NPM3: variants seen among roughly 807,000 people sequenced by gnomAD.
The protein encoded by NPM3 is nucleophosmin/nucleoplasmin 3, also known as nucleoplasmin-3.
A neutral mutation model predicts 18.1 loss-of-function variants in NPM3; 12 were observed. That is an observed-to-expected ratio of 0.66 (90% CI 0.42 to 1.07). The LOEUF (loss-of-function observed/expected upper bound fraction) is 1.07, where lower values mean the gene tolerates loss of function less well. Among genes scored for constraint, NPM3 ranks in the 50% least tolerant of loss-of-function variants. NPM3 has a pLI of 0.00. For synonymous variants in NPM3, 116 were observed against 93.7 expected (o/e 1.24, Z -1.38); for missense variants, 274 against 232.1 (o/e 1.18, Z -1.17).
Position 101,782,461 on chromosome 10 carries a change from A to T in NPM3, c.324+17T>A. 2 of 1,607,370 alleles carry T rather than the reference A, an allele frequency of 1.2e-6. No individual in the cohort carries two copies. The highest frequency in any genetic ancestry group is 1.7e-6 in the Non-Finnish European group (2 of 1,176,374). ...CCACCACCACCACCACCACCAAGGC[A>T]GAGCTGGGGAACTCACCATGGGTTG... On this transcript the variant is annotated intron_variant, in intron 3 of 5. Coordinates refer to ENST00000370110, the Ensembl canonical transcript of NPM3.
At chr10:101,783,190 C>A in intron 1 of NPM3, 83 bp downstream of exon 1, 1 of 1,097,596 alleles carries the variant, frequency 9.1e-7, no homozygotes, top group Non-Finnish European at 1.3e-6. Context: ...CACACCCACG[C>A]CTTGAAACCC....
chr10:101,781,520 T>TTC, exon 6 of NPM3: 12 of 311,808 alleles, frequency 3.8e-5, no homozygotes, highest in Middle Eastern at 1.2e-3. Context: ...AAGACCCAAG[T>TTC]CCCTCCCACC....
intron 3 of NPM3, 24 bp from the exon 4 acceptor site, chr10:101,782,375 G>T: frequency 5.0e-6 from 8 of 1,611,616 alleles, no homozygotes; most frequent in Admixed American, 1.7e-5. Context: ...AAGGATGAAG[G>T]CCTGGCCCAC....
In NPM3 at chr10:101,781,873, G is replaced by C. The variant is rs2065143781; in HGVS notation, c.419-19C>G. 2 of 1,614,036 alleles carry C rather than the reference G, an allele frequency of 1.2e-6. No homozygotes were observed. Among genetic ancestry groups the C allele is most frequent in the Non-Finnish European group, 1.7e-6 (2 of 1,180,028 alleles). On this transcript the variant is annotated intron_variant, in intron 4 of 5. Transcript: ENST00000370110. ...ATCGTAACTGGTGGACACACAAGCA[G>C]TAGAAGGATGGGGTGTTAAGACCAG...
intron 4 of NPM3, 102 bp from the exon 5 acceptor site, chr10:101,781,956 T>C: frequency 6.3e-7 from 1 of 1,594,562 alleles, no homozygotes; most frequent in Non-Finnish European, 8.6e-7. Flanking sequence ...ACAGGGACCA[T>C]GACCTCCCAG....
At chr10:101,782,544 G>A (rs749371700) in exon 3 of NPM3, 77 of 1,613,914 alleles carry the variant, frequency 4.8e-5, no homozygotes, top group Non-Finnish European at 6.2e-5. Context: ...CATGGTTCCG[G>A]GCCACAACTT....
At chr10:101,781,559 G>A in exon 6 of NPM3, 11 of 238,408 alleles carry the variant, frequency 4.6e-5, no homozygotes, top group South Asian at 1.8e-4. Context: ...TCCTCTTCAA[G>A]GAAGAAATAT....
At chr10:101,783,388 C>T in exon 1 of NPM3, 3 of 1,605,522 alleles carry the variant, frequency 1.9e-6, no homozygotes, top group Non-Finnish European at 2.6e-6. Flanking sequence ...TACCGGCGGC[C>T]ATGCTGTAAG....
exon 1 of NPM3, chr10:101,783,324 C>T (rs765224876): frequency 1.2e-6 from 2 of 1,612,960 alleles, no homozygotes; most frequent in South Asian, 2.2e-5. Flanking sequence ...AGGCCCCCGA[C>T]ACCCCCGGCC....
intron 2 of NPM3, 47 bp downstream of exon 2, chr10:101,782,792 T>C (rs762314211): frequency 6.2e-7 from 1 of 1,603,424 alleles, no homozygotes; most frequent in Non-Finnish European, 8.5e-7. Context: ...AGACCTATAT[T>C]GCCTGCCTGG....
chr10:101,781,703 T>C lies in NPM3; in HGVS notation c.*9+24A>G, dbSNP rs113724275. ...TCTCCTGCCCCTTCCCAGAGCCTGC[T>C]AGGCACTTCTCCCCGCAACTCACCT... is the stretch of plus-strand genomic sequence containing the variant. On this transcript the variant is annotated intron_variant, in intron 5 of 5. Transcript: ENST00000370110. The C allele has an allele frequency of 8.8e-5, 142 of 1,611,100 alleles. 2 individuals are homozygous for C. In the African/African-American group the frequency reaches 1.4e-3, roughly 16 times the overall value.
At position 101,782,819 on chromosome 10, in the gene NPM3, C is replaced by G; in HGVS notation, c.204+20G>C. 1 of 1,612,804 alleles carries G rather than the reference C, an allele frequency of 6.2e-7. No individual in the cohort carries two copies. Among genetic ancestry groups the G allele is most frequent in the Non-Finnish European group, 8.5e-7 (1 of 1,179,250 alleles). Reference sequence around the variant, plus strand: ...CCTGCCTGGGCTTATTCATTAAAACCCCACTCCCCTGCCCCTCACCATGGT... The same window carrying G: ...CCTGCCTGGGCTTATTCATTAAAACGCCACTCCCCTGCCCCTCACCATGGT... On this transcript the variant is annotated intron_variant, in intron 2 of 5. Transcript: ENST00000370110.
rs755125314 is a variant in NPM3 at position 101,782,941 on chromosome 10, T to G, written c.119-17A>C. On this transcript the variant is annotated splice_polypyrimidine_tract_variant and intron_variant, in intron 1 of 5. Coordinates refer to ENST00000370110, the Ensembl canonical transcript of NPM3. ...GCTCACAGCCTGGTAGAAATAACAG[T>G]GAGTATGCCTGAGCGTGTGTACGGG... 1.2e-6 allele frequency: 2 copies of G among 1,611,242 alleles called. No individual in the cohort carries two copies. Among genetic ancestry groups the G allele is most frequent in the Non-Finnish European group, 8.5e-7 (1 of 1,178,054 alleles).
chr10:101,783,038 A>G, intron 1 of NPM3, 114 bp from the exon 2 acceptor site: 1 of 929,248 alleles, frequency 1.1e-6, no homozygotes. Flanking sequence ...TTACACGTCC[A>G]CCTCCGTCTC....
At chr10:101,781,901 C>A (rs373450353) in intron 4 of NPM3, 47 bp from the exon 5 acceptor site, 2 of 1,613,950 alleles carry the variant, frequency 1.2e-6, no homozygotes, top group East Asian at 2.2e-5. Flanking sequence ...AAGACCAGAC[C>A]GTTTCACACC....
chr10:101,781,819 C>T (rs1463381602), exon 5 of NPM3: 1 of 1,614,138 alleles, frequency 6.2e-7, no homozygotes, highest in Non-Finnish European at 8.5e-7. Flanking sequence ...TCCTCTTCCT[C>T]GCTCTCCTCC....
At chr10:101,781,418 A>G in exon 6 of NPM3, 1 of 395,804 alleles carries the variant, frequency 2.5e-6, no homozygotes, top group Non-Finnish European at 4.5e-6. Context: ...ACTAACCTCC[A>G]ATTCTCACAG....
rs1015027843 is a variant in NPM3, at chr10:101,782,120, G to C, written c.418+138C>G. 12 of 898,314 alleles carry C rather than the reference G, an allele frequency of 1.3e-5. 1 individual carries two copies. The African/African-American group carries it at 2.0e-4, about 15-fold the overall frequency. 55.6% of individuals were successfully genotyped at this position (898,314 alleles called of 1,614,324 possible). A position where few individuals can be genotyped will look rare whatever the true frequency, so the allele number is the denominator to read the frequency against. On this transcript the variant is annotated intron_variant, in intron 4 of 5. Coordinates refer to ENST00000370110, the Ensembl canonical transcript of NPM3. ...AAGGAGAGGGCATGTCATGCACAGG[G>C]CACAGCGTGGAGGGCACACAGACCT...
chr10:101,782,481 G>C lies in NPM3; in HGVS notation c.321C>G (p.Pro107=), dbSNP rs1292394137. ...AAGGCAGAGCTGGGGAACTCACCATGGGTTGGCAGGACAGCTTGAGGTTGG... is the reference window on the plus strand; with the variant it reads ...AAGGCAGAGCTGGGGAACTCACCATCGGTTGGCAGGACAGCTTGAGGTTGG... The change falls in exon 3 of 6, where the codon CCC becomes CCG. Residue 107 remains proline (P), a synonymous_variant. Transcript: ENST00000370110. 3.1e-6 allele frequency: 5 copies of C among 1,611,324 alleles called. 1 individual carries two copies. The highest frequency in any genetic ancestry group is 1.1e-5 in the South Asian group (1 of 90,740).
Sources: allele counts gnomAD v4.1 joint callset, GRCh38; gene constraint gnomAD v4.1.1; transcripts MANE v1.5; gene names NCBI Gene and HGNC (gene_info 2026-07-23, HGNC 2026-07-21).